LRP1B: variants seen among roughly 807,000 people sequenced by gnomAD.
LRP1B encodes LDL receptor related protein 1B, also known as low-density lipoprotein receptor-related protein 1B.
In LRP1B, 217 loss-of-function variants were observed where a neutral mutation model predicts 556.6. The ratio of observed to expected loss-of-function variants is 0.39; its 90% CI spans 0.35 to 0.44. The LOEUF (loss-of-function observed/expected upper bound fraction) is 0.44, where lower values mean the gene tolerates loss of function less well. LRP1B is among the 20% of genes least tolerant of loss of function. The pLI, the probability that LRP1B is intolerant of heterozygous loss-of-function variation, is 1.00. For synonymous variants in LRP1B, 2,047 were observed against 1,865.8 expected, an observed-to-expected ratio of 1.10 and a Z score of -2.50; for missense variants, 5,053 against 5,620.8, an observed-to-expected ratio of 0.90 and a Z score of 3.23.
At chr2:140,888,806 A>G (rs1442132114) in intron 23 of LRP1B, among the ~76,000 whole-genome samples, 1 of 151,972 alleles carries the variant, frequency 6.6e-6, no homozygotes, top group African/African-American at 2.4e-5. Flanking sequence ...TCTACTAAAA[A>G]TACAAAATTA....
intron 33 of LRP1B, among the ~76,000 whole-genome samples, chr2:140,771,304 GAGAAACCA>G (rs1407270164): frequency 6.6e-6 from 1 of 152,038 alleles, no homozygotes; most frequent in Non-Finnish European, 1.5e-5. Flanking sequence ...TTTAAGATCA[GAGAAACCA>G]GCATCTTTTT....
intron 17 of LRP1B, among the ~76,000 whole-genome samples, chr2:140,987,717 G>T (rs893279645): frequency 1.1e-4 from 17 of 152,074 alleles, no homozygotes; most frequent in African/African-American, 4.1e-4. Context: ...TGGCATGGTG[G>T]CTCACACCTG....
rs535505757 is a variant in LRP1B, at chr2:141,782,752, T to A, written c.205+27527A>T. On this transcript the variant is annotated intron_variant, in intron 2 of 90. Transcript: ENST00000389484. Reference sequence around the variant, plus strand: ...CATATGGTCAATGAGGAATGTGTGATCTAGGTAAAGTAATTGCACTGTCAG... The same window carrying A: ...CATATGGTCAATGAGGAATGTGTGAACTAGGTAAAGTAATTGCACTGTCAG... Among the ~76,000 whole-genome samples the A allele has an allele frequency of 2.0e-5, 3 of 152,174 alleles. No individual in the cohort carries two copies. The East Asian group carries it at 5.8e-4, about 29-fold the overall frequency.
chr2:140,978,448 C>A (rs1696670048), intron 18 of LRP1B, among the ~76,000 whole-genome samples: 1 of 152,140 alleles, frequency 6.6e-6, no homozygotes, highest in Non-Finnish European at 1.5e-5. Flanking sequence ...GCAGCATCTT[C>A]TGGTAGGATG....
intron 1 of LRP1B, among the ~76,000 whole-genome samples, chr2:141,941,077 T>C (rs1574512374): frequency 1.3e-5 from 2 of 152,214 alleles, no homozygotes; most frequent in East Asian, 3.8e-4. Flanking sequence ...ATATTATGTC[T>C]ACAGTTAAAA....
At chr2:140,909,180 C>T (rs1462947704) in intron 21 of LRP1B, among the ~76,000 whole-genome samples, 1 of 152,090 alleles carries the variant, frequency 6.6e-6, no homozygotes, top group Non-Finnish European at 1.5e-5. Context: ...ATTATCTTTT[C>T]CAGATTATGC....
chr2:140,369,444 G>A (rs909981591), intron 71 of LRP1B, among the ~76,000 whole-genome samples: 1 of 151,932 alleles, frequency 6.6e-6, no homozygotes, highest in South Asian at 2.1e-4. Context: ...GAACGCAAAA[G>A]TCGCATGAGT....
At chr2:141,930,024 G>C (rs953667748) in intron 1 of LRP1B, among the ~76,000 whole-genome samples, 2 of 148,616 alleles carry the variant, frequency 1.3e-5, no homozygotes, top group African/African-American at 5.0e-5. Flanking sequence ...ATTAATAAAT[G>C]ACCCTGGCAA....
At chr2:141,984,544 A>G (rs1451596562) in intron 1 of LRP1B, among the ~76,000 whole-genome samples, 1 of 152,138 alleles carries the variant, frequency 6.6e-6, no homozygotes, top group African/African-American at 2.4e-5. Context: ...CCAACACAAT[A>G]GCCTGATAAT....
At chr2:141,236,698 T>TA (rs1204638920) in intron 5 of LRP1B, among the ~76,000 whole-genome samples, 1 of 152,186 alleles carries the variant, frequency 6.6e-6, no homozygotes, top group Non-Finnish European at 1.5e-5. Flanking sequence ...GGAAACGTCT[T>TA]ACACACTGCC....
intron 5 of LRP1B, among the ~76,000 whole-genome samples, chr2:141,240,432 A>C (rs2105314972): frequency 6.6e-6 from 1 of 152,146 alleles, no homozygotes; most frequent in East Asian, 1.9e-4. Context: ...GGATTTCAAT[A>C]GTGATATACT....
At chr2:140,649,138 C>T (rs1384540602) in intron 41 of LRP1B, among the ~76,000 whole-genome samples, 1 of 152,002 alleles carries the variant, frequency 6.6e-6, no homozygotes, top group African/African-American at 2.4e-5. Context: ...AAATTCAATC[C>T]AGCCAACACT....
intron 2 of LRP1B, among the ~76,000 whole-genome samples, chr2:141,667,536 C>T (rs1690490205): frequency 1.3e-5 from 2 of 152,166 alleles, no homozygotes; most frequent in Admixed American, 6.5e-5. Context: ...AGAAAGCACT[C>T]CACTTTTTGA....
intron 2 of LRP1B, among the ~76,000 whole-genome samples, chr2:141,492,754 AAAC>A (rs1380808023): frequency 6.6e-6 from 1 of 152,160 alleles, no homozygotes; most frequent in Non-Finnish European, 1.5e-5. Flanking sequence ...AAAGAATGTT[AAAC>A]AGCTCAATTT....
chr2:140,784,535 C>A (rs2104970780), intron 32 of LRP1B, among the ~76,000 whole-genome samples: 1 of 151,274 alleles, frequency 6.6e-6, no homozygotes, highest in East Asian at 2.0e-4. Context: ...CCCGGAAACA[C>A]CAGATAATTA....
chr2:140,634,030 T>C (rs992406034), intron 41 of LRP1B, among the ~76,000 whole-genome samples: 1 of 152,124 alleles, frequency 6.6e-6, no homozygotes, highest in Non-Finnish European at 1.5e-5. Flanking sequence ...TTCTCATGAA[T>C]GTAGCTGTAA....
chr2:141,178,085 AGGAGT>A (rs565586371), intron 7 of LRP1B, among the ~76,000 whole-genome samples: 53 of 152,148 alleles, frequency 3.5e-4, no homozygotes, highest in Non-Finnish European at 7.2e-4. Flanking sequence ...AAACAAAACC[AGGAGT>A]GTAGCTTACA....
chr2:141,412,640 T>C (rs1316948286), intron 3 of LRP1B, among the ~76,000 whole-genome samples: 2 of 152,208 alleles, frequency 1.3e-5, no homozygotes, highest in African/African-American at 4.8e-5. Context: ...GTACACTTTT[T>C]ATAACGTACA....
intron 43 of LRP1B, among the ~76,000 whole-genome samples, chr2:140,550,379 T>G (rs2105046901): frequency 6.6e-6 from 1 of 152,250 alleles, no homozygotes; most frequent in African/African-American, 2.4e-5. Flanking sequence ...CCCTAAGTTG[T>G]GAGTAAAATA....
Sources: allele counts gnomAD v4.1 joint callset (sites outside exome capture counted in the v4.1 genomes callset), GRCh38; gene constraint gnomAD v4.1.1; transcripts MANE v1.5; gene names NCBI Gene and HGNC (gene_info 2026-07-23, HGNC 2026-07-21).